GNG12: variants seen among roughly 807,000 people sequenced by gnomAD.
The protein encoded by GNG12 is G protein subunit gamma 12, also known as guanine nucleotide-binding protein G(I)/G(S)/G(O) subunit gamma-12.
For missense variants in GNG12, 69 were observed against 83.8 expected, an observed-to-expected ratio of 0.82 and a Z score of 0.69; for synonymous variants, 28 against 29.7, an observed-to-expected ratio of 0.94 and a Z score of 0.19.
chr1:67,821,086 C>T (rs1222989664), intron 1 of GNG12, among the ~76,000 whole-genome samples: 2 of 152,182 alleles, frequency 1.3e-5, no homozygotes, highest in Admixed American at 1.3e-4. Flanking sequence ...ATTTTGTTCA[C>T]ATTTTAAGAT....
intron 2 of GNG12, among the ~76,000 whole-genome samples, chr1:67,770,517 G>A (rs1352624987): frequency 6.6e-6 from 1 of 152,128 alleles, no homozygotes; most frequent in Admixed American, 6.5e-5. Flanking sequence ...CAGCCTGGGT[G>A]TCTTTGCAAC....
chr1:67,741,173 A>T (rs771405156), intron 2 of GNG12, among the ~76,000 whole-genome samples: 10 of 152,230 alleles, frequency 6.6e-5, no homozygotes, highest in Non-Finnish European at 8.8e-5. Context: ...ATGCTTCTTA[A>T]GTTAAAGATT....
chr1:67,800,060 G>T (rs1646855254), intron 1 of GNG12, among the ~76,000 whole-genome samples: 1 of 152,098 alleles, frequency 6.6e-6, no homozygotes, highest in Non-Finnish European at 1.5e-5. Flanking sequence ...CTTACAGGCT[G>T]GCTGAAATCC....
chr1:67,760,329 A>G (rs1014083133), intron 2 of GNG12, among the ~76,000 whole-genome samples: 7 of 152,216 alleles, frequency 4.6e-5, no homozygotes, highest in Non-Finnish European at 8.8e-5. Context: ...CTAGCTTCCA[A>G]TAACTGTATA....
In GNG12 at chr1:67,804,785, T is replaced by A. The variant is rs1448685462; in HGVS notation, c.-76-27278A>T. On this transcript the variant is annotated intron_variant, in intron 1 of 3. Coordinates refer to ENST00000370982, the MANE Select transcript of GNG12 (RefSeq NM_018841.6). ...CTGTAACCAACAAATTGCTAGAGAC[T>A]TCGTGTGGACAAGTCAGGGAGTTAA... 2.0e-5 allele frequency among the ~76,000 whole-genome samples: 3 copies of A among 151,872 alleles called. No homozygotes were observed. In the East Asian group the frequency reaches 5.8e-4, roughly 29 times the overall value.
At chr1:67,793,331 T>A (rs1176326572) in intron 1 of GNG12, among the ~76,000 whole-genome samples, 1 of 152,202 alleles carries the variant, frequency 6.6e-6, no homozygotes, top group Non-Finnish European at 1.5e-5. Flanking sequence ...ACCTCTTTAA[T>A]AAATAAAATG....
chr1:67,815,409 G>A (rs1410635022), intron 1 of GNG12, among the ~76,000 whole-genome samples: 1 of 152,192 alleles, frequency 6.6e-6, no homozygotes, highest in South Asian at 2.1e-4. Context: ...CTGGCCATGA[G>A]TAACACTCAT....
intron 2 of GNG12, among the ~76,000 whole-genome samples, chr1:67,745,182 C>T (rs913755368): frequency 2.0e-5 from 3 of 152,120 alleles, no homozygotes; most frequent in South Asian, 2.1e-4. Context: ...TATACACAGA[C>T]GACAAATAAA....
At chr1:67,756,477 C>T (rs1435033289) in intron 2 of GNG12, among the ~76,000 whole-genome samples, 1 of 152,156 alleles carries the variant, frequency 6.6e-6, no homozygotes, top group Admixed American at 6.5e-5. Context: ...TTTTCAAGAG[C>T]ATGTGGTGCT....
chr1:67,745,831 T>C (rs180856173), intron 2 of GNG12, among the ~76,000 whole-genome samples: 67 of 152,364 alleles, frequency 4.4e-4, no homozygotes, highest in African/African-American at 1.5e-3. Flanking sequence ...TCCTTGTTTG[T>C]TACTTGTTTC....
At chr1:67,732,311 A>C (rs1414432412) in intron 2 of GNG12, among the ~76,000 whole-genome samples, 1 of 152,244 alleles carries the variant, frequency 6.6e-6, no homozygotes, top group Non-Finnish European at 1.5e-5. Flanking sequence ...ATTATTATCA[A>C]GAGAGGCCTG....
intron 2 of GNG12, among the ~76,000 whole-genome samples, chr1:67,738,781 G>A (rs981007132): frequency 1.3e-5 from 2 of 152,186 alleles, no homozygotes; most frequent in African/African-American, 2.4e-5. Context: ...CTGAAGCTGG[G>A]GGCATGAGGA....
intron 2 of GNG12, among the ~76,000 whole-genome samples, chr1:67,761,538 CAG>C (rs759977236): frequency 3.9e-5 from 6 of 152,252 alleles, no homozygotes; most frequent in Admixed American, 1.3e-4. Context: ...TCTAGGGAAA[CAG>C]GGGGCATCTT....
intron 1 of GNG12, among the ~76,000 whole-genome samples, chr1:67,808,907 C>G (rs1333378180): frequency 6.6e-6 from 1 of 152,098 alleles, no homozygotes; most frequent in Non-Finnish European, 1.5e-5. Context: ...CAATCAAAAT[C>G]TCAGAAAATT....
chr1:67,829,317 G>C (rs1179813482), intron 1 of GNG12, among the ~76,000 whole-genome samples: 4 of 152,130 alleles, frequency 2.6e-5, no homozygotes, highest in African/African-American at 9.7e-5. Context: ...AAAGAAAATG[G>C]AATTGAGATT....
intron 2 of GNG12, among the ~76,000 whole-genome samples, chr1:67,760,935 A>G (rs949970761): frequency 1.3e-5 from 2 of 152,242 alleles, no homozygotes; most frequent in Non-Finnish European, 2.9e-5. Flanking sequence ...ACTTGAAACA[A>G]TCCTATAATG....
chr1:67,820,226 T>C (rs1385835577), intron 1 of GNG12, among the ~76,000 whole-genome samples: 1 of 151,988 alleles, frequency 6.6e-6, no homozygotes, highest in African/African-American at 2.4e-5. Flanking sequence ...CTGTCTCTAC[T>C]AAAAATACAA....
In GNG12 at chr1:67,777,489, G is replaced by T; in HGVS notation, c.-58C>A. On this transcript the variant is annotated 5_prime_UTR_variant, in exon 2 of 4. In the 5' UTR this introduces an upstream ATG that the reference lacks. Transcript: ENST00000370982. ...GACTTTGTGTGGTCCAATGTTTTCA[G>T]GTTTTAAGTGGAATGAATCTGAAAT... 1 of 901,184 alleles carries T rather than the reference G, an allele frequency of 1.1e-6. No homozygotes were observed. Among genetic ancestry groups the T allele is most frequent in the Non-Finnish European group, 1.3e-6 (1 of 753,122 alleles). The allele number at this position is 901,184 out of a possible 1,614,324, so 55.8% of individuals were successfully genotyped here. A position where few individuals can be genotyped will look rare whatever the true frequency, so the allele number is the denominator to read the frequency against.
intron 1 of GNG12, among the ~76,000 whole-genome samples, chr1:67,828,928 T>A (rs1045774577): frequency 6.6e-6 from 1 of 152,240 alleles, no homozygotes; most frequent in Non-Finnish European, 1.5e-5. Context: ...TTGGTGCTTT[T>A]TCCAAAACAA....
Sources: gnomAD v4.1 joint callset for allele counts (sites outside exome capture counted in the v4.1 genomes callset) on GRCh38, gnomAD v4.1.1 for gene constraint, MANE v1.5 for transcripts, NCBI Gene and HGNC (gene_info 2026-07-23, HGNC 2026-07-21) for gene names.